Variants in KCNT2 observed in about 807,000 individuals in gnomAD.
KCNT2 encodes potassium sodium-activated channel subfamily T member 2, also known as potassium channel subfamily T member 2.
Under a neutral mutation model 153.8 loss-of-function variants are expected in KCNT2, and 67 were observed. The ratio of observed to expected loss-of-function variants is 0.44; its 90% CI spans 0.36 to 0.53. The LOEUF (loss-of-function observed/expected upper bound fraction) is 0.53. Ranked by LOEUF, KCNT2 falls within the 20% of genes least tolerant of loss-of-function variation. The pLI, the probability that KCNT2 is intolerant of heterozygous loss-of-function variation, is 0.00. For missense variants in KCNT2, 975 were observed against 1,354.8 expected (o/e 0.72, Z 4.40); for synonymous variants, 500 against 458.8 (o/e 1.09, Z -1.15).
At chr1:196,308,849 GT>G (rs1661884101) in intron 21 of KCNT2, among the ~76,000 whole-genome samples, 1 of 151,862 alleles carries the variant, frequency 6.6e-6, no homozygotes, top group Non-Finnish European at 1.5e-5. Flanking sequence ...ATGGATTCAT[GT>G]TTCCTATATT....
intron 25 of KCNT2, among the ~76,000 whole-genome samples, chr1:196,263,944 G>A (rs1407934331): frequency 6.6e-6 from 1 of 151,882 alleles, no homozygotes; most frequent in Non-Finnish European, 1.5e-5. Context: ...TGCATTGTGT[G>A]TATATGTGTG....
chr1:196,452,054 T>A (rs1167495685), intron 8 of KCNT2, among the ~76,000 whole-genome samples: 1 of 151,982 alleles, frequency 6.6e-6, no homozygotes, highest in East Asian at 1.9e-4. Flanking sequence ...CAATATCCTC[T>A]TAAGTTTAAA....
intron 24 of KCNT2, 63 bp downstream of exon 24, chr1:196,282,210 C>T (rs574137433): frequency 3.7e-5 from 31 of 847,236 alleles, no homozygotes; most frequent in Middle Eastern, 2.3e-4. Flanking sequence ...GCAAAGTACA[C>T]GGTAGATAGA....
Position 196,432,743 on chromosome 1 carries a change from G to A in KCNT2, c.639-2986C>T, listed in dbSNP as rs886199117. 2.6e-5 allele frequency among the ~76,000 whole-genome samples: 4 copies of A among 152,076 alleles called. No individual in the cohort carries two copies. The East Asian group carries it at 5.8e-4, about 22-fold the overall frequency. On this transcript the variant is annotated intron_variant, in intron 8 of 27. Coordinates refer to ENST00000294725, the MANE Select transcript of KCNT2 (RefSeq NM_198503.5). Reference sequence around the variant, plus strand: ...CAGCTGAAGAGTAATTTGCCTCAGGGTGAATCATGCCTTGAGTCTCACCCA... The same window carrying A: ...CAGCTGAAGAGTAATTTGCCTCAGGATGAATCATGCCTTGAGTCTCACCCA...
intron 25 of KCNT2, among the ~76,000 whole-genome samples, chr1:196,270,055 A>T (rs779681687): frequency 2.6e-5 from 4 of 151,922 alleles, no homozygotes; most frequent in Non-Finnish European, 5.9e-5. Context: ...GTTTTCTTTC[A>T]CTGTGCAGTA....
At chr1:196,501,590 A>G (rs1181705950) in intron 1 of KCNT2, among the ~76,000 whole-genome samples, 2 of 152,150 alleles carry the variant, frequency 1.3e-5, no homozygotes, top group African/African-American at 2.4e-5. Flanking sequence ...GAAGACTTCA[A>G]AAGGTGGGCA....
At chr1:196,293,253 C>G (rs1266032081) in intron 22 of KCNT2, among the ~76,000 whole-genome samples, 1 of 152,020 alleles carries the variant, frequency 6.6e-6, no homozygotes, top group Non-Finnish European at 1.5e-5. Flanking sequence ...TCATTTTTCA[C>G]AGAATTTTGA....
rs766845793 is a variant in KCNT2 at position 196,489,900 on chromosome 1, T to C, written c.213A>G (p.Leu71=). Reference sequence around the variant, plus strand: ...GGATTATGTATAATAAGCAGCTTAGTAATTTGAGAGAAAAATTGAACAGGC... The same window carrying C: ...GGATTATGTATAATAAGCAGCTTAGCAATTTGAGAGAAAAATTGAACAGGC... The part of the protein sequence containing the change: ...RIRLFNFSLK[L]LSCLLYIIRV... Residue 71 remains leucine (L), a synonymous_variant, in exon 3 of 28, where the codon TTA becomes TTG. Coordinates refer to ENST00000294725, the MANE Select transcript of KCNT2 (RefSeq NM_198503.5). The C allele has an allele frequency of 2.5e-6, 4 of 1,588,428 alleles. No individual in the cohort carries two copies. Among genetic ancestry groups the C allele is most frequent in the Admixed American group, 1.8e-5 (1 of 54,722 alleles).
chr1:196,468,897 T>C lies in KCNT2; in HGVS notation c.459+97A>G, dbSNP rs1572558369. 3 of 742,848 alleles carry C rather than the reference T, an allele frequency of 4.0e-6. No individual in the cohort carries two copies. In the East Asian group the frequency reaches 8.2e-5, roughly 20 times the overall value. 46.0% of individuals were successfully genotyped at this position (742,848 alleles called of 1,614,324 possible). ...ATTCTAACCAAAGTCTAAATCCATT[T>C]ATCTTAGCTACCATATTATTTAACA... On this transcript the variant is annotated intron_variant, in intron 6 of 27. Transcript: ENST00000294725.
At chr1:196,345,717 T>A (rs1666083594) in intron 14 of KCNT2, among the ~76,000 whole-genome samples, 1 of 152,158 alleles carries the variant, frequency 6.6e-6, no homozygotes, top group Admixed American at 6.6e-5. Context: ...GTTTGGATCA[T>A]GTTAGATTCT....
chr1:196,299,161 CT>C (rs895839425), intron 22 of KCNT2, among the ~76,000 whole-genome samples: 2 of 151,754 alleles, frequency 1.3e-5, no homozygotes, highest in South Asian at 2.1e-4. Context: ...AAAAATTTCC[CT>C]TTTTTTTCTA....
At chr1:196,336,480 A>G (rs935738254) in intron 16 of KCNT2, among the ~76,000 whole-genome samples, 10 of 152,132 alleles carry the variant, frequency 6.6e-5, no homozygotes, top group Admixed American at 2.6e-4. Flanking sequence ...ATAATTATAT[A>G]CAATCTATTA....
intron 13 of KCNT2, among the ~76,000 whole-genome samples, chr1:196,392,314 T>A (rs906835685): frequency 4.0e-5 from 6 of 151,184 alleles, no homozygotes; most frequent in African/African-American, 1.5e-4. Flanking sequence ...CATGGCCTTA[T>A]GTTAAGTAGT....
At chr1:196,307,838 G>A (rs1661781731) in intron 21 of KCNT2, among the ~76,000 whole-genome samples, 1 of 151,954 alleles carries the variant, frequency 6.6e-6, no homozygotes, top group South Asian at 2.1e-4. Context: ...AATGTCAATT[G>A]ACTTTTGGCT....
At chr1:196,549,175 A>G (rs1657558877) in intron 1 of KCNT2, among the ~76,000 whole-genome samples, 1 of 151,916 alleles carries the variant, frequency 6.6e-6, no homozygotes, top group South Asian at 2.1e-4. Flanking sequence ...AGTAAATCCA[A>G]AACTTTCTGT....
chr1:196,295,925 T>C lies in KCNT2; in HGVS notation c.2595+9309A>G, dbSNP rs910465203. On this transcript the variant is annotated intron_variant, in intron 22 of 27. Transcript: ENST00000294725. Reference sequence around the variant, plus strand: ...TGGAGGGTTGTCAATGTAAATTATATCATGGTTTTGAAAGATTAACAGGAG... The same window carrying C: ...TGGAGGGTTGTCAATGTAAATTATACCATGGTTTTGAAAGATTAACAGGAG... 4.6e-5 allele frequency among the ~76,000 whole-genome samples: 7 copies of C among 151,986 alleles called. No individual in the cohort carries two copies. In the South Asian group the frequency reaches 1.0e-3, roughly 22 times the overall value.
intron 1 of KCNT2, among the ~76,000 whole-genome samples, chr1:196,566,524 A>G (rs1036533914): frequency 2.0e-5 from 3 of 152,124 alleles, no homozygotes; most frequent in Non-Finnish European, 2.9e-5. Flanking sequence ...AAAGGAAAGT[A>G]ACATCTTGGG....
At position 196,504,908 on chromosome 1, in the gene KCNT2, C is replaced by T. The variant is rs10754189; in HGVS notation, c.96-12567G>A. 3.3e-5 allele frequency among the ~76,000 whole-genome samples: 5 copies of T among 152,286 alleles called. 1 individual carries two copies. The highest frequency in any genetic ancestry group is 9.6e-5 in the African/African-American group (4 of 41,562). ...CTTTTGAGAAGCATCTGTTCATGTC[C>T]TTTGCCCACTTTTTGATGGGGTTGT... On this transcript the variant is annotated intron_variant, in intron 1 of 27. Coordinates refer to ENST00000294725, the MANE Select transcript of KCNT2 (RefSeq NM_198503.5).
chr1:196,436,890 G>T (rs758444256), intron 8 of KCNT2, among the ~76,000 whole-genome samples: 2 of 146,988 alleles, frequency 1.4e-5, no homozygotes, highest in East Asian at 2.0e-4. Flanking sequence ...AGTGGCAAAA[G>T]AATTTAATAA....
Sources: allele counts gnomAD v4.1 joint callset (sites outside exome capture counted in the v4.1 genomes callset), GRCh38; gene constraint gnomAD v4.1.1; transcripts MANE v1.5; gene names NCBI Gene and HGNC (gene_info 2026-07-23, HGNC 2026-07-21).